Variants in TAF3 observed in about 807,000 individuals in gnomAD.
TAF3 encodes TATA-box binding protein associated factor 3, also known as transcription initiation factor TFIID subunit 3.
Under a neutral mutation model 80.6 loss-of-function variants are expected in TAF3, and 7 were observed. The observed-to-expected ratio is 0.09, with a 90% confidence interval of 0.05 to 0.16. The LOEUF is 0.16. Ranked by LOEUF, TAF3 falls within the 10% of genes least tolerant of loss-of-function variation. TAF3 has a pLI of 1.00. For synonymous variants in TAF3, 444 were observed against 446.1 expected, an observed-to-expected ratio of 1.00 and a Z score of 0.06; for missense variants, 921 against 1,140.2, an observed-to-expected ratio of 0.81 and a Z score of 2.77.
chr10:7,895,043 T>C lies in TAF3; in HGVS notation c.410-68877T>C, dbSNP rs532175237. Among the ~76,000 whole-genome samples, 12 of 152,276 alleles carry C rather than the reference T, an allele frequency of 7.9e-5. No individual in the cohort carries two copies. In the South Asian group the frequency reaches 1.2e-3, roughly 16 times the overall value. ...AGTGCCCACCACCATTCCTGGCTAA[T>C]TTTTGTATTTTTAGTAGAGACAGAG... On this transcript the variant is annotated intron_variant, in intron 2 of 6. Coordinates refer to ENST00000344293, the MANE Select transcript of TAF3 (RefSeq NM_031923.4).
At chr10:7,918,915 G>T (rs1334893083) in intron 2 of TAF3, among the ~76,000 whole-genome samples, 1 of 152,114 alleles carries the variant, frequency 6.6e-6, no homozygotes, top group Non-Finnish European at 1.5e-5. Context: ...GAAGAGCAAG[G>T]AGGCACTCAC....
intron 2 of TAF3, among the ~76,000 whole-genome samples, chr10:7,949,372 G>A (rs1838059577): frequency 6.6e-6 from 1 of 152,200 alleles, no homozygotes; most frequent in Admixed American, 6.5e-5. Flanking sequence ...TGTGTACCAG[G>A]CCTACTCATG....
At chr10:7,987,331 A>G (rs539837583) in intron 4 of TAF3, among the ~76,000 whole-genome samples, 5 of 152,122 alleles carry the variant, frequency 3.3e-5, no homozygotes, top group Non-Finnish European at 7.4e-5. Flanking sequence ...AAAAATAAAA[A>G]AAGAACTTAG....
chr10:7,941,741 G>A (rs1388277803), intron 2 of TAF3, among the ~76,000 whole-genome samples: 1 of 152,146 alleles, frequency 6.6e-6, no homozygotes, highest in African/African-American at 2.4e-5. Context: ...ACTTGAACTG[G>A]GTGGCAGTGT....
intron 1 of TAF3, among the ~76,000 whole-genome samples, chr10:7,822,853 T>A (rs1372273645): frequency 6.6e-6 from 1 of 152,212 alleles, no homozygotes; most frequent in African/African-American, 2.4e-5. Flanking sequence ...AGAATAGGCA[T>A]AAGAAAAACT....
intron 2 of TAF3, among the ~76,000 whole-genome samples, chr10:7,899,658 C>A (rs191014214): frequency 5.8e-4 from 89 of 152,204 alleles, no homozygotes; most frequent in African/African-American, 2.0e-3. Flanking sequence ...AGGAAGAAAT[C>A]AGAGGAAAAG....
chr10:7,921,331 A>G (rs1837760226), intron 2 of TAF3, among the ~76,000 whole-genome samples: 1 of 152,168 alleles, frequency 6.6e-6, no homozygotes, highest in South Asian at 2.1e-4. Flanking sequence ...TTATTACCCT[A>G]CTGCCTTTAA....
At chr10:7,994,831 T>C (rs1270417337) in intron 4 of TAF3, among the ~76,000 whole-genome samples, 2 of 143,040 alleles carry the variant, frequency 1.4e-5, no homozygotes, top group Non-Finnish European at 3.0e-5. Context: ...AAAAAATAGC[T>C]GGGTGTGGTG....
Position 7,824,350 on chromosome 10 carries a change from G to A in TAF3, c.199G>A (p.Gly67Ser), listed in dbSNP as rs1420249707. ...GRTDPILDDVGEAFQLMGVSL... is the reference protein window; with the variant it reads ...GRTDPILDDVSEAFQLMGVSL... ...AACAGACCCAATTTTGGATGATGTT[G>A]GTGAAGCTTTCCAGCTGATGGGGGT... The change falls in exon 2 of 7, where the codon GGT becomes AGT. Residue 67 changes from glycine to serine, a missense_variant. Physicochemically the swap from Gly to Ser is moderately conservative, Grantham distance 56 (BLOSUM62 0). Around this residue, in one of 6 missense-constraint regions of TAF3, gnomAD observed 106 missense variants for 191.8 expected, o/e 0.55. Transcript: ENST00000344293. 1 of 1,613,968 alleles carries A rather than the reference G, an allele frequency of 6.2e-7. No homozygotes were observed.
At chr10:7,880,072 C>T (rs1311409601) in intron 2 of TAF3, among the ~76,000 whole-genome samples, 1 of 151,912 alleles carries the variant, frequency 6.6e-6, no homozygotes, top group East Asian at 1.9e-4. Context: ...TAGCTGGCCA[C>T]CCCAAAAATA....
intron 2 of TAF3, among the ~76,000 whole-genome samples, chr10:7,896,378 C>T (rs1010205535): frequency 6.6e-6 from 1 of 152,182 alleles, no homozygotes; most frequent in Non-Finnish European, 1.5e-5. Flanking sequence ...CTCCCAGGAA[C>T]TTGGAGGAGG....
intron 2 of TAF3, among the ~76,000 whole-genome samples, chr10:7,915,500 G>A (rs7916205): frequency 0.53 from 79,606 of 149,332 alleles, 23,257 homozygotes; most frequent in East Asian, 0.7. Flanking sequence ...AAAATTAGCC[G>A]GGCATGGTGG....
intron 4 of TAF3, among the ~76,000 whole-genome samples, chr10:7,984,733 A>G (rs1344378501): frequency 2.0e-5 from 3 of 152,212 alleles, no homozygotes; most frequent in Admixed American, 6.5e-5. Flanking sequence ...AATATAGGAA[A>G]GTACTTAAGA....
chr10:7,937,605 C>A (rs1428604269), intron 2 of TAF3, among the ~76,000 whole-genome samples: 1 of 152,118 alleles, frequency 6.6e-6, no homozygotes, highest in Non-Finnish European at 1.5e-5. Context: ...ATCAGATACG[C>A]CTTGTAAATA....
intron 2 of TAF3, among the ~76,000 whole-genome samples, chr10:7,904,196 G>A (rs186944329): frequency 1.3e-5 from 2 of 152,272 alleles, no homozygotes; most frequent in African/African-American, 4.8e-5. Flanking sequence ...ACGCTCTTCC[G>A]AGGCAGTGGG....
chr10:7,868,072 T>TG (rs905521091), intron 2 of TAF3, among the ~76,000 whole-genome samples: 1 of 151,932 alleles, frequency 6.6e-6, no homozygotes, highest in African/African-American at 2.4e-5. Flanking sequence ...GTAGGCTGGT[T>TG]GGGGGGTTGG....
chr10:7,976,821 A>G (rs1235710370), intron 3 of TAF3, among the ~76,000 whole-genome samples: 1 of 152,180 alleles, frequency 6.6e-6, no homozygotes. Flanking sequence ...CAAACTTAAG[A>G]TGAGTTTAAT....
At chr10:7,995,940 G>T (rs1452929353) in intron 4 of TAF3, among the ~76,000 whole-genome samples, 1 of 152,114 alleles carries the variant, frequency 6.6e-6, no homozygotes, top group Non-Finnish European at 1.5e-5. Flanking sequence ...GGTGTTTTTT[G>T]ATCCAATCTG....
intron 4 of TAF3, among the ~76,000 whole-genome samples, chr10:8,005,892 C>G (rs1831986412): frequency 6.6e-6 from 1 of 152,156 alleles, no homozygotes; most frequent in African/African-American, 2.4e-5. Flanking sequence ...ATCACAGGCT[C>G]TAAAATCAGA....
Sources: gnomAD v4.1 joint callset for allele counts (sites outside exome capture counted in the v4.1 genomes callset) on GRCh38, gnomAD v4.1.1 for gene constraint, gnomAD v4.1.1 regional missense constraint, MANE v1.5 for transcripts, NCBI Gene and HGNC (gene_info 2026-07-23, HGNC 2026-07-21) for gene names.